The following CDC6 variants were observed in gnomAD, a reference collection of about 807,000 sequenced individuals.
CDC6 encodes DNA replication factor CDC6.
CDC6 carries 46 observed loss-of-function variants against 60.2 expected under a neutral mutation model. The observed-to-expected ratio is 0.76, with a 90% CI of 0.60 to 0.98. The LOEUF (loss-of-function observed/expected upper bound fraction) is 0.98, where lower values mean the gene tolerates loss of function less well. Among genes scored for constraint, CDC6 ranks in the 50% least tolerant of loss-of-function variants. The pLI is 0.00. For missense variants in CDC6, 596 were observed against 652.9 expected, an observed-to-expected ratio of 0.91 and a Z score of 0.95; for synonymous variants, 210 against 233.2, an observed-to-expected ratio of 0.90 and a Z score of 0.90.
At position 40,303,359 on chromosome 17, in the gene CDC6, C is replaced by T. The variant is rs1022122495; in HGVS notation, c.*1358C>T. On this transcript the variant is annotated 3_prime_UTR_variant, in exon 12 of 12. Coordinates refer to ENST00000209728, the MANE Select transcript of CDC6 (RefSeq NM_001254.4). ...ATACGAATGATCTGAGAGCCAGTGA[C>T]CAAGTCTGCTTTTCCCTGAGCTCTC... The T allele has an allele frequency of 6.6e-6, 1 of 152,226 alleles. No individual in the cohort carries two copies. Among genetic ancestry groups the T allele is most frequent in the African/African-American group, 2.4e-5 (1 of 41,446 alleles). The allele number at this position is 152,226 out of a possible 1,614,324, so 9.4% of individuals were successfully genotyped here.
intron 2 of CDC6, 72 bp downstream of exon 2, chr17:40,289,670 T>G: frequency 3.4e-6 from 4 of 1,169,734 alleles, no homozygotes; most frequent in Non-Finnish European, 3.9e-6. Flanking sequence ...ATGTGTGTCC[T>G]TTGAAGGAGC....
At chr17:40,292,669 C>T (rs930921352) in intron 4 of CDC6, among the ~76,000 whole-genome samples, 6 of 151,486 alleles carry the variant, frequency 4.0e-5, no homozygotes, top group African/African-American at 1.5e-4. Flanking sequence ...GTGGCTCACG[C>T]CTATAATCCC....
At chr17:40,293,318 A>G (rs1300579256) in intron 4 of CDC6, 138 bp from the exon 5 acceptor site, 1 of 673,762 alleles carries the variant, frequency 1.5e-6, no homozygotes, top group Non-Finnish European at 2.7e-6. Context: ...AAACATTTGT[A>G]ATTTCATTGT....
intron 3 of CDC6, 39 bp from the exon 4 acceptor site, chr17:40,291,430 C>A (rs748442327): frequency 8.1e-6 from 13 of 1,612,710 alleles, no homozygotes; most frequent in Non-Finnish European, 1.0e-5. Flanking sequence ...TCTCATTCAC[C>A]TTCTGTTGTG....
rs2143118649 is a variant in CDC6, at chr17:40,302,778, T to C, written c.*777T>C. ...TGGTTAAAGAATTTATTTCTTTGTA[T>C]AGTATACTATGTTCATGGTGCAGAT... On this transcript the variant is annotated 3_prime_UTR_variant, in exon 12 of 12. Coordinates refer to ENST00000209728, the MANE Select transcript of CDC6 (RefSeq NM_001254.4). 1 of 152,394 alleles carries C rather than the reference T, an allele frequency of 6.6e-6. No individual in the cohort carries two copies. The highest frequency in any genetic ancestry group is 2.1e-4 in the South Asian group (1 of 4,826). 9.4% of individuals were successfully genotyped at this position (152,394 alleles called of 1,614,324 possible).
chr17:40,291,373 A>G lies in CDC6; in HGVS notation c.460+34A>G, dbSNP rs72836662. On this transcript the variant is annotated intron_variant, in intron 3 of 11. Coordinates refer to ENST00000209728, the MANE Select transcript of CDC6 (RefSeq NM_001254.4). ...TTACATGGCAACTGTTAGTGCAGCCATTGTAACCAAGGCTGATGACTCCAA... is the reference window on the plus strand; with the variant it reads ...TTACATGGCAACTGTTAGTGCAGCCGTTGTAACCAAGGCTGATGACTCCAA... The G allele has an allele frequency of 2.7e-3, 4,406 of 1,612,098 alleles. 12 individuals carry two copies. The highest frequency in any genetic ancestry group is 3.4e-3 in the Non-Finnish European group (4,040 of 1,178,186).
At chr17:40,299,700 A>G (rs1598518391) in intron 9 of CDC6, among the ~76,000 whole-genome samples, 1 of 151,434 alleles carries the variant, frequency 6.6e-6, no homozygotes, top group Non-Finnish European at 1.5e-5. Flanking sequence ...GGAGTTCAAG[A>G]CCAGCCTGGG....
rs1390028068 is a variant in CDC6, at chr17:40,301,451, C to A, written c.1453-17C>A. ...GTGACTTTTAAGCAGCGTTTGTTCT[C>A]CCTTGTTTCCTACCAGTTATATGAA... On this transcript the variant is annotated splice_polypyrimidine_tract_variant and intron_variant, in intron 10 of 11. Transcript: ENST00000209728. The A allele has an allele frequency of 1.2e-6, 2 of 1,613,538 alleles. No homozygotes were observed. The highest frequency in any genetic ancestry group is 2.2e-5 in the South Asian group (2 of 91,068).
Position 40,296,698 on chromosome 17 carries a change from T to TA in CDC6, c.1185-4dup. The TA allele has an allele frequency of 6.3e-7, 1 of 1,576,700 alleles. No homozygotes were observed. Among genetic ancestry groups the TA allele is most frequent in the Non-Finnish European group, 8.7e-7 (1 of 1,146,060 alleles). ...CTAAATTAATTTTAGAAATTTTTTT[T>TA]ATAGGAGAGCTATTGAAATTGTAGA... On this transcript the variant is annotated splice_polypyrimidine_tract_variant and splice_region_variant and intron_variant, in intron 8 of 11. Transcript: ENST00000209728.
chr17:40,289,470 G>A lies in CDC6; in HGVS notation c.50G>A (p.Arg17Lys), dbSNP rs2032716486. ...QAQATISFPK[R>K]KLSRALNKAK... ...CAGGCTACAATCAGTTTTCCAAAAAGGAAGCTGTCTCGGGCATTGAACAAA... is the reference window on the plus strand; with the variant it reads ...CAGGCTACAATCAGTTTTCCAAAAAAGAAGCTGTCTCGGGCATTGAACAAA... Residue 17 changes from arginine (R) to lysine (K), a missense_variant, in exon 2 of 12, where the codon AGG becomes AAG. Physicochemically the swap from Arg to Lys is conservative, Grantham distance 26 (BLOSUM62 2). Transcript: ENST00000209728. 6.2e-7 allele frequency: 1 copy of A among 1,613,964 alleles called. No individual in the cohort carries two copies. The highest frequency in any genetic ancestry group is 8.5e-7 in the Non-Finnish European group (1 of 1,179,986).
At position 40,293,312 on chromosome 17, in the gene CDC6, A is replaced by T. The variant is rs1306185680; in HGVS notation, c.661-144A>T. 3 of 667,108 alleles carry T rather than the reference A, an allele frequency of 4.5e-6. No individual in the cohort carries two copies. In the Admixed American group the frequency reaches 7.8e-5, roughly 17 times the overall value. 41.3% of individuals were successfully genotyped at this position (667,108 alleles called of 1,614,324 possible). A position where few individuals can be genotyped will look rare whatever the true frequency, so the allele number is the denominator to read the frequency against. On this transcript the variant is annotated intron_variant, in intron 4 of 11. Coordinates refer to ENST00000209728, the MANE Select transcript of CDC6 (RefSeq NM_001254.4). ...ATTGAGGGTTTCTTCAAAATAAAACATTTGTAATTTCATTGTTTAAATCTT... is the reference window on the plus strand; with the variant it reads ...ATTGAGGGTTTCTTCAAAATAAAACTTTTGTAATTTCATTGTTTAAATCTT...
rs1326975089 is a variant in CDC6 at position 40,303,466 on chromosome 17, A to ATT, written c.*1466_*1467dup. ...CAAGTGATCTGTTGGCCACTGTTTC[A>ATT]TTCATCCTGACCACTGTATCCGTGT... On this transcript the variant is annotated 3_prime_UTR_variant, in exon 12 of 12. Coordinates refer to ENST00000209728, the MANE Select transcript of CDC6 (RefSeq NM_001254.4). 5 of 152,214 alleles carry ATT rather than the reference A, an allele frequency of 3.3e-5. No homozygotes were observed. The highest frequency in any genetic ancestry group is 1.2e-4 in the African/African-American group (5 of 41,450). 9.4% of individuals were successfully genotyped at this position (152,214 alleles called of 1,614,324 possible). A position where few individuals can be genotyped will look rare whatever the true frequency, so the allele number is the denominator to read the frequency against.
At chr17:40,290,759 G>A (rs190399784) in intron 2 of CDC6, among the ~76,000 whole-genome samples, 167 of 152,258 alleles carry the variant, frequency 1.1e-3, no homozygotes, top group Non-Finnish European at 2.2e-3. Context: ...GATGGTGCGG[G>A]ATTTCATCAT....
At position 40,301,609 on chromosome 17, in the gene CDC6, G is replaced by A; in HGVS notation, c.1593+1G>A. 1 of 1,614,052 alleles carries A rather than the reference G, an allele frequency of 6.2e-7. No homozygotes were observed. Among genetic ancestry groups the A allele is most frequent in the Non-Finnish European group, 8.5e-7 (1 of 1,179,904 alleles). On this transcript the variant is annotated splice_donor_variant, in intron 11 of 11. Transcript: ENST00000209728. LOFTEE classifies it high-confidence loss of function. ...AAACAAGGAAACCCGTTTGACAAAGGTACAACTGCTTTTTTGTGACAGTGT... is the reference window on the plus strand; with the variant it reads ...AAACAAGGAAACCCGTTTGACAAAGATACAACTGCTTTTTTGTGACAGTGT...
At chr17:40,298,295 G>A (rs2032888458) in intron 9 of CDC6, among the ~76,000 whole-genome samples, 3 of 151,856 alleles carry the variant, frequency 2.0e-5, no homozygotes. Context: ...CTTGTCACTG[G>A]CCCCTGTGAG....
chr17:40,291,720 T>C, intron 4 of CDC6, 52 bp downstream of exon 4: 1 of 1,518,400 alleles, frequency 6.6e-7, no homozygotes. Context: ...TACTTGGGTG[T>C]TTTTGTTTGT....
intron 1 of CDC6, among the ~76,000 whole-genome samples, chr17:40,288,421 CTT>C (rs796298277): frequency 2.1e-5 from 3 of 145,430 alleles, no homozygotes; most frequent in Admixed American, 6.8e-5. Flanking sequence ...ATTCATGTAA[CTT>C]TTTTTTTTTT....
Position 40,293,953 on chromosome 17 carries a change from G to A in CDC6, c.840G>A (p.Val280=), listed in dbSNP as rs755416244. The A allele has an allele frequency of 8.7e-6, 14 of 1,610,964 alleles. No individual in the cohort carries two copies. Among genetic ancestry groups the A allele is most frequent in the Non-Finnish European group, 1.2e-5 (14 of 1,177,096 alleles). ...CTAACTGTTTCTCTTTTTATAGTGT[G>A]TTGGTATTGGACGAGATGGATCAAC... The part of the protein sequence containing the change: ...HMTAEKGPMI[V]LVLDEMDQLD... The change falls in exon 6 of 12, where the codon GTG becomes GTA. Residue 280 remains valine (V), a synonymous_variant. Coordinates refer to ENST00000209728, the MANE Select transcript of CDC6 (RefSeq NM_001254.4).
At chr17:40,289,092 G>A in intron 1 of CDC6, 2 of 322,646 alleles carry the variant, frequency 6.2e-6, no homozygotes, top group Non-Finnish European at 1.2e-5. Flanking sequence ...GTTTTTCTGT[G>A]ACTTTGGGCC....
Sources: gnomAD v4.1 joint callset for allele counts (sites outside exome capture counted in the v4.1 genomes callset) on GRCh38, gnomAD v4.1.1 for gene constraint, MANE v1.5 for transcripts, NCBI Gene and HGNC (gene_info 2026-07-23, HGNC 2026-07-21) for gene names.